ARHGAP26: variants seen among roughly 807,000 people sequenced by gnomAD.
The protein encoded by ARHGAP26 is Rho GTPase activating protein 26.
In ARHGAP26, 38 loss-of-function variants were observed where a neutral mutation model predicts 104.8. The ratio of observed to expected loss-of-function variants is 0.36; its 90% CI spans 0.28 to 0.48. The LOEUF (loss-of-function observed/expected upper bound fraction) is 0.48. Ranked by LOEUF, ARHGAP26 falls within the 20% of genes least tolerant of loss-of-function variation. The pLI is 0.99. For missense variants in ARHGAP26, 704 were observed against 947.9 expected, an observed-to-expected ratio of 0.74 and a Z score of 3.38; for synonymous variants, 341 against 340.0, an observed-to-expected ratio of 1.00 and a Z score of -0.03.
chr5:142,823,210 C>G (rs182004773), intron 1 of ARHGAP26, among the ~76,000 whole-genome samples: 1 of 152,118 alleles, frequency 6.6e-6, no homozygotes, highest in Non-Finnish European at 1.5e-5. Flanking sequence ...CATGGAAGCT[C>G]GTGCTAAACA....
At chr5:142,912,521 A>G (rs544889462) in intron 9 of ARHGAP26, among the ~76,000 whole-genome samples, 4 of 152,330 alleles carry the variant, frequency 2.6e-5, no homozygotes, top group East Asian at 1.9e-4. Flanking sequence ...ATCAAAATCT[A>G]TAAGTTGTAC....
chr5:142,894,190 C>G, intron 5 of ARHGAP26, 48 bp from the exon 6 acceptor site: 1 of 1,528,054 alleles, frequency 6.5e-7, no homozygotes, highest in Non-Finnish European at 9.1e-7. Context: ...GGAATGCTAT[C>G]CTTGGGTAGT....
chr5:143,047,540 C>A (rs1341211082), intron 14 of ARHGAP26, among the ~76,000 whole-genome samples: 1 of 152,140 alleles, frequency 6.6e-6, no homozygotes, highest in Non-Finnish European at 1.5e-5. Context: ...GTTTTCAAGG[C>A]TCTTAAATGA....
intron 11 of ARHGAP26, among the ~76,000 whole-genome samples, chr5:143,009,930 G>T (rs557508161): frequency 0.011 from 1,750 of 152,282 alleles, 34 homozygotes; most frequent in African/African-American, 0.04. Flanking sequence ...GTTGCTCCTG[G>T]AGAGTTGAGT....
intron 20 of ARHGAP26, among the ~76,000 whole-genome samples, chr5:143,173,485 C>T (rs538634870): frequency 2.5e-4 from 38 of 152,268 alleles, no homozygotes; most frequent in African/African-American, 8.9e-4. Context: ...GATGTTTCTC[C>T]AAAAACGAAG....
rs1476336512 is a variant in ARHGAP26, at chr5:143,013,983, G to A, written c.1108-97G>A. The A allele has an allele frequency of 7.3e-6, 9 of 1,237,908 alleles. No homozygotes were observed. In the Admixed American group the frequency reaches 1.7e-4, roughly 23 times the overall value. 76.7% of individuals were successfully genotyped at this position (1,237,908 alleles called of 1,614,324 possible). On this transcript the variant is annotated intron_variant, in intron 11 of 22. Transcript: ENST00000645722. The stretch of plus-strand genomic sequence containing the variant: ...CAGAAATTACCTTCCACTTCATGGT[G>A]CAAACTAGGGAAAGTGAGGAAGATA...
intron 11 of ARHGAP26, among the ~76,000 whole-genome samples, chr5:142,953,156 T>C (rs915554465): frequency 1.2e-4 from 18 of 152,216 alleles, no homozygotes; most frequent in Admixed American, 1.2e-3. Flanking sequence ...AGGATTGTCC[T>C]CACTGGATTC....
At chr5:142,808,061 C>T (rs895604131) in intron 1 of ARHGAP26, among the ~76,000 whole-genome samples, 2 of 151,394 alleles carry the variant, frequency 1.3e-5, no homozygotes, top group East Asian at 3.9e-4. Flanking sequence ...CGGTGAAACC[C>T]CGTTTCTACT....
At chr5:142,901,796 C>G in intron 6 of ARHGAP26, 139 bp from the exon 7 acceptor site, 1 of 672,070 alleles carries the variant, frequency 1.5e-6, no homozygotes, top group East Asian at 2.8e-5. Flanking sequence ...GCCTGGCACA[C>G]AATTGGTGCT....
chr5:143,095,713 C>A lies in ARHGAP26; in HGVS notation c.1539-25275C>A, dbSNP rs147230593. On this transcript the variant is annotated intron_variant, in intron 17 of 22. Transcript: ENST00000645722. ...TCAGCCTCCTGGGTAGCAGGGATTA[C>A]AGGCACCCGCCACCATGCCCAGCTA... Among the ~76,000 whole-genome samples the A allele has an allele frequency of 3.6e-3, 542 of 152,254 alleles. 22 individuals are homozygous for A. In the East Asian group the frequency reaches 0.075, roughly 21 times the overall value.
rs138169840 is a variant in ARHGAP26 at position 142,884,787 on chromosome 5, A to G, written c.385-511A>G. Among the ~76,000 whole-genome samples, 405 of 152,350 alleles carry G rather than the reference A, an allele frequency of 2.7e-3. 1 individual carries two copies. The highest frequency in any genetic ancestry group is 9.4e-3 in the African/African-American group (389 of 41,574). On this transcript the variant is annotated intron_variant, in intron 4 of 22. Transcript: ENST00000645722. Reference sequence around the variant, plus strand: ...ATTATTCCTCAGCTTAAAGACCTGCATGTGATATTAAGTGTCAAGAGATAT... The same window carrying G: ...ATTATTCCTCAGCTTAAAGACCTGCGTGTGATATTAAGTGTCAAGAGATAT...
At chr5:142,917,387 GT>G (rs1762625804) in intron 10 of ARHGAP26, among the ~76,000 whole-genome samples, 1 of 152,178 alleles carries the variant, frequency 6.6e-6, no homozygotes, top group African/African-American at 2.4e-5. Flanking sequence ...GCTCAGAGCT[GT>G]TGGTGGTTGC....
chr5:142,937,944 T>A (rs1216918259), intron 11 of ARHGAP26, among the ~76,000 whole-genome samples: 3 of 152,162 alleles, frequency 2.0e-5, no homozygotes, highest in Non-Finnish European at 4.4e-5. Flanking sequence ...ATGGAATAGT[T>A]CTGTGTTTTG....
At chr5:143,109,476 A>G (rs1794493258) in intron 17 of ARHGAP26, among the ~76,000 whole-genome samples, 1 of 149,288 alleles carries the variant, frequency 6.7e-6, no homozygotes, top group Non-Finnish European at 1.5e-5. Flanking sequence ...TTTTTTTTTT[A>G]GACAGCGTCT....
chr5:143,123,754 G>A (rs1457073025), intron 18 of ARHGAP26, among the ~76,000 whole-genome samples: 3 of 152,184 alleles, frequency 2.0e-5, no homozygotes, highest in Non-Finnish European at 2.9e-5. Context: ...GCTATGGGAG[G>A]CTGAGGTGGG....
chr5:143,017,264 C>T (rs1034532679), intron 12 of ARHGAP26, among the ~76,000 whole-genome samples: 1 of 152,236 alleles, frequency 6.6e-6, no homozygotes, highest in Non-Finnish European at 1.5e-5. Context: ...CTCGAAGTTT[C>T]TCTCAGGGCA....
At chr5:143,082,225 C>A (rs77243725) in intron 17 of ARHGAP26, among the ~76,000 whole-genome samples, 2,612 of 151,832 alleles carry the variant, frequency 0.017, 66 homozygotes, top group East Asian at 0.075. Context: ...ACTTGTCCCA[C>A]CCCCCAAGAC....
chr5:143,014,202 C>T (rs778835899), intron 12 of ARHGAP26, 86 bp downstream of exon 12: 24 of 1,485,250 alleles, frequency 1.6e-5, no homozygotes, highest in African/African-American at 5.5e-5. Flanking sequence ...AACCACCAGG[C>T]GGTGCTGTGG....
chr5:142,856,993 T>C (rs1037614610), intron 1 of ARHGAP26, among the ~76,000 whole-genome samples: 56 of 152,170 alleles, frequency 3.7e-4, no homozygotes, highest in African/African-American at 3.9e-4. Context: ...CCATATTCTT[T>C]TGGAAGGCTC....
Sources: gnomAD v4.1 joint callset for allele counts (sites outside exome capture counted in the v4.1 genomes callset) on GRCh38, gnomAD v4.1.1 for gene constraint, MANE v1.5 for transcripts, NCBI Gene and HGNC (gene_info 2026-07-23, HGNC 2026-07-21) for gene names.